The following RAB7A variants were observed in gnomAD, a reference collection of about 807,000 sequenced individuals.
RAB7A encodes ras-related protein Rab-7a.
In RAB7A, 2 loss-of-function variants were observed where a neutral mutation model predicts 24.5. That is an observed-to-expected ratio of 0.08 (90% CI 0.03 to 0.26). The LOEUF is 0.26. Ranked by LOEUF, RAB7A falls within the 10% of genes least tolerant of loss-of-function variation. The pLI is 1.00. For synonymous variants in RAB7A, 100 were observed against 95.9 expected (o/e 1.04, Z -0.25); for missense variants, 118 against 255.7 (o/e 0.46, Z 3.67).
At chr3:128,811,848 CAAAA>C (rs879327864) in intron 5 of RAB7A, among the ~76,000 whole-genome samples, 1 of 107,360 alleles carries the variant, frequency 9.3e-6, no homozygotes, top group African/African-American at 3.5e-5. Flanking sequence ...GACTCTGCCT[CAAAA>C]AAAAAAAAAG....
chr3:128,796,695 G>A (rs892878906), intron 2 of RAB7A, among the ~76,000 whole-genome samples: 14 of 152,002 alleles, frequency 9.2e-5, no homozygotes, highest in Non-Finnish European at 1.5e-4. Context: ...ACAGGGTCTC[G>A]CTCTGTTGCC....
chr3:128,780,812 T>C (rs1303642064), intron 1 of RAB7A, among the ~76,000 whole-genome samples: 4 of 152,164 alleles, frequency 2.6e-5, no homozygotes, highest in Non-Finnish European at 4.4e-5. Flanking sequence ...TGCAAAACAA[T>C]AAAAGTGGAG....
chr3:128,791,633 T>C (rs1431069644), intron 1 of RAB7A, among the ~76,000 whole-genome samples: 4 of 152,214 alleles, frequency 2.6e-5, no homozygotes, highest in Non-Finnish European at 5.9e-5. Context: ...CCCTGGTTGG[T>C]AAATTACATT....
intron 1 of RAB7A, among the ~76,000 whole-genome samples, chr3:128,782,171 G>A (rs1933235946): frequency 6.6e-6 from 1 of 152,168 alleles, no homozygotes; most frequent in Non-Finnish European, 1.5e-5. Context: ...CTACAATAGG[G>A]ACTGTGATCT....
intron 1 of RAB7A, chr3:128,748,704 C>G (rs1005982602): frequency 6.6e-6 from 1 of 152,200 alleles, no homozygotes; most frequent in Non-Finnish European, 1.5e-5. Flanking sequence ...ATCCCCTGGT[C>G]GTTATTGACT....
At chr3:128,770,041 C>T (rs1204825692) in intron 1 of RAB7A, among the ~76,000 whole-genome samples, 11 of 147,276 alleles carry the variant, frequency 7.5e-5, no homozygotes, top group African/African-American at 2.8e-4. Context: ...CTCGCTCTGT[C>T]ACCCAGGCTG....
chr3:128,754,762 C>T (rs1444950557), intron 1 of RAB7A, among the ~76,000 whole-genome samples: 2 of 152,100 alleles, frequency 1.3e-5, no homozygotes, highest in Non-Finnish European at 1.5e-5. Flanking sequence ...ACACTAATAT[C>T]AGACAAAATA....
chr3:128,777,811 T>A (rs775627482), intron 1 of RAB7A, among the ~76,000 whole-genome samples: 1 of 152,116 alleles, frequency 6.6e-6, no homozygotes, highest in Non-Finnish European at 1.5e-5. Context: ...AACCTCTGCC[T>A]CCCGGGTTCA....
rs1408117520 is a variant in RAB7A, at chr3:128,763,206, ATATTTTTTTTTT to A, written c.-8-32152_-8-32141del. Among the ~76,000 whole-genome samples, 256 of 100,470 alleles carry A rather than the reference ATATTTTTTTTTT, an allele frequency of 2.5e-3. 5 individuals are homozygous for A. The highest frequency in any genetic ancestry group is 0.013 in the African/African-American group (236 of 18,222). The allele number at this position is 100,470 out of a possible 152,430, so 65.9% of individuals were successfully genotyped here. The stretch of plus-strand genomic sequence containing the variant: ...ATTTAGCTTATATATATATATATAT[ATATTTTTTTTTT>A]TTTTTTTTTTTTTTGAGACGGAGTC... On this transcript the variant is annotated intron_variant, in intron 1 of 5. Transcript: ENST00000265062.
At chr3:128,805,439 G>C (rs963779581) in intron 3 of RAB7A, among the ~76,000 whole-genome samples, 1 of 152,132 alleles carries the variant, frequency 6.6e-6, no homozygotes, top group Non-Finnish European at 1.5e-5. Context: ...AGGGCAGTAA[G>C]TATACCCAGC....
chr3:128,730,233 C>CTTT (rs35639393), intron 1 of RAB7A, among the ~76,000 whole-genome samples: 1 of 143,130 alleles, frequency 7.0e-6, no homozygotes, highest in Admixed American at 7.0e-5. Flanking sequence ...TGTTTTAAAA[C>CTTT]TTTTTTTTTT....
At chr3:128,784,481 C>CCT (rs1237252300) in intron 1 of RAB7A, among the ~76,000 whole-genome samples, 2 of 152,170 alleles carry the variant, frequency 1.3e-5, no homozygotes, top group African/African-American at 4.8e-5. Flanking sequence ...GGTCTCCTAC[C>CCT]CTCCCCACTG....
intron 1 of RAB7A, among the ~76,000 whole-genome samples, chr3:128,787,912 C>T (rs565779303): frequency 6.6e-6 from 1 of 152,354 alleles, no homozygotes; most frequent in South Asian, 2.1e-4. Flanking sequence ...TGGGTTTCAA[C>T]ATGTTGCCCA....
intron 1 of RAB7A, among the ~76,000 whole-genome samples, chr3:128,757,758 T>C (rs1472241949): frequency 6.6e-6 from 1 of 152,144 alleles, no homozygotes; most frequent in Non-Finnish European, 1.5e-5. Context: ...CCTCAAGTGA[T>C]CCACCTGCCT....
chr3:128,813,582 C>G lies in RAB7A; in HGVS notation c.*160C>G. The G allele has an allele frequency of 1.5e-6, 1 of 677,134 alleles. No homozygotes were observed. The highest frequency in any genetic ancestry group is 1.5e-5 in the South Asian group (1 of 64,972). The allele number at this position is 677,134 out of a possible 1,614,324, so 41.9% of individuals were successfully genotyped here. A position where few individuals can be genotyped will look rare whatever the true frequency, so the allele number is the denominator to read the frequency against. ...TCAAACACAGTTACACCCCACATAT[C>G]TCTCACACACACACACACACGCACA... On this transcript the variant is annotated 3_prime_UTR_variant, in exon 6 of 6. Transcript: ENST00000265062.
At chr3:128,767,519 G>A (rs1324331000) in intron 1 of RAB7A, among the ~76,000 whole-genome samples, 2 of 152,196 alleles carry the variant, frequency 1.3e-5, no homozygotes, top group South Asian at 2.1e-4. Context: ...CTAGGATTGT[G>A]GAAATGTAAA....
intron 3 of RAB7A, 106 bp downstream of exon 3, chr3:128,798,175 T>G (rs1371384077): frequency 2.1e-6 from 3 of 1,450,298 alleles, no homozygotes; most frequent in Non-Finnish European, 2.9e-6. Context: ...AATCTTATTA[T>G]CTTATTTGTA....
At chr3:128,770,925 C>G (rs922339909) in intron 1 of RAB7A, among the ~76,000 whole-genome samples, 2 of 151,532 alleles carry the variant, frequency 1.3e-5, no homozygotes, top group Non-Finnish European at 2.9e-5. Context: ...CCTGAAAGCT[C>G]TGCCACTATT....
intron 1 of RAB7A, among the ~76,000 whole-genome samples, chr3:128,780,179 C>G (rs1933187363): frequency 6.6e-6 from 1 of 152,068 alleles, no homozygotes; most frequent in South Asian, 2.1e-4. Context: ...ACAGTGGGGA[C>G]ACAAATCAAT....
Sources: gnomAD v4.1 joint callset for allele counts (sites outside exome capture counted in the v4.1 genomes callset) on GRCh38, gnomAD v4.1.1 for gene constraint, MANE v1.5 for transcripts, NCBI Gene and HGNC (gene_info 2026-07-23, HGNC 2026-07-21) for gene names.